The following KIRREL3 variants were observed in gnomAD, a reference collection of about 807,000 sequenced individuals.
KIRREL3 encodes the protein kirre like nephrin family adhesion molecule 3, also known as kin of IRRE-like protein 3.
A neutral mutation model predicts 89.7 loss-of-function variants in KIRREL3; 36 were observed. The ratio of observed to expected loss-of-function variants is 0.40; its 90% CI spans 0.31 to 0.53. The LOEUF (loss-of-function observed/expected upper bound fraction) is 0.53, where lower values mean the gene tolerates loss of function less well. KIRREL3 is among the 20% of genes least tolerant of loss of function. KIRREL3 has a pLI of 0.49. For missense variants in KIRREL3, 864 were observed against 1,056.6 expected (o/e 0.82, Z 2.53); for synonymous variants, 445 against 441.4 (o/e 1.01, Z -0.10).
intron 1 of KIRREL3, among the ~76,000 whole-genome samples, chr11:126,886,161 T>C (rs1565383943): frequency 1.3e-5 from 2 of 152,206 alleles, no homozygotes; most frequent in Admixed American, 1.3e-4. Flanking sequence ...TACTTACAGA[T>C]GGTGCTGCAA....
intron 1 of KIRREL3, among the ~76,000 whole-genome samples, chr11:126,869,500 T>A (rs1945036107): frequency 6.6e-6 from 1 of 152,338 alleles, no homozygotes; most frequent in South Asian, 2.1e-4. Context: ...TAGTCTTTAA[T>A]AATTGAAGAG....
At position 126,677,590 on chromosome 11, in the gene KIRREL3, C is replaced by T. The variant is rs1363539327; in HGVS notation, c.56-114678G>A. ...AAGCACGCTGAACAGGGAGGGGCAC[C>T]CAGCTCTGTCTGGCTGCATTCGCTG... On this transcript the variant is annotated intron_variant, in intron 1 of 16. Transcript: ENST00000525144. This position sits in a 1 kb window ranked among gnomAD's most constrained non-coding sequence, Gnocchi z 5.1. Among the ~76,000 whole-genome samples, 1 of 152,166 alleles carries T rather than the reference C, an allele frequency of 6.6e-6. No homozygotes were observed. The highest frequency in any genetic ancestry group is 1.5e-5 in the Non-Finnish European group (1 of 68,032).
chr11:126,577,116 A>G (rs1941294659), intron 1 of KIRREL3, among the ~76,000 whole-genome samples: 2 of 152,200 alleles, frequency 1.3e-5, no homozygotes, highest in African/African-American at 4.8e-5. Flanking sequence ...CTCTCTTTCA[A>G]TAAAGGGCTC....
At chr11:126,749,033 G>A (rs1459436991) in intron 1 of KIRREL3, among the ~76,000 whole-genome samples, 1 of 152,126 alleles carries the variant, frequency 6.6e-6, no homozygotes, top group African/African-American at 2.4e-5. Context: ...GCAGTCTCCA[G>A]GTGGCAGGGG....
Position 126,553,453 on chromosome 11 carries a change from T to C in KIRREL3, c.133+9382A>G, listed in dbSNP as rs1405443344. Among the ~76,000 whole-genome samples, 1 of 152,220 alleles carries C rather than the reference T, an allele frequency of 6.6e-6. No individual in the cohort carries two copies. The highest frequency in any genetic ancestry group is 1.5e-5 in the Non-Finnish European group (1 of 68,030). On this transcript the variant is annotated intron_variant, in intron 2 of 16. Transcript: ENST00000525144. The surrounding 1 kb of genome is among the most constrained non-coding windows in gnomAD (Gnocchi z 4.7). ...TAGCCACTGGCAGTCTCTGTCTCTCTTGCTGGCAGACAGAATAGCTCTTAC... is the reference window on the plus strand; with the variant it reads ...TAGCCACTGGCAGTCTCTGTCTCTCCTGCTGGCAGACAGAATAGCTCTTAC...
At chr11:126,433,075 C>T (rs1254134661) in intron 13 of KIRREL3, among the ~76,000 whole-genome samples, 1 of 152,162 alleles carries the variant, frequency 6.6e-6, no homozygotes, top group African/African-American at 2.4e-5. Flanking sequence ...GATAGGGTTT[C>T]ACCATGTTGG....
Position 126,563,999 on chromosome 11 carries a change from T to C in KIRREL3, c.56-1087A>G, listed in dbSNP as rs905457293. ...TGTCTTAGACCCCCACCCCACCTTGTAGCATAGAAGTCTTACAAATGTGTC... is the reference window on the plus strand; with the variant it reads ...TGTCTTAGACCCCCACCCCACCTTGCAGCATAGAAGTCTTACAAATGTGTC... On this transcript the variant is annotated intron_variant, in intron 1 of 16. Transcript: ENST00000525144. This position sits in a 1 kb window ranked among gnomAD's most constrained non-coding sequence, Gnocchi z 6.8. Among the ~76,000 whole-genome samples the C allele has an allele frequency of 6.6e-6, 1 of 152,208 alleles. No individual in the cohort carries two copies. The highest frequency in any genetic ancestry group is 1.5e-5 in the Non-Finnish European group (1 of 68,028).
Position 126,544,161 on chromosome 11 carries a change from C to A in KIRREL3, c.134-17474G>T, listed in dbSNP as rs557055230. On this transcript the variant is annotated intron_variant, in intron 2 of 16. Transcript: ENST00000525144. This position sits in a 1 kb window ranked among gnomAD's most constrained non-coding sequence, Gnocchi z 5.6. ...AGAGAAGAGAGCAGCTTTCAACCCC[C>A]CTCTCCTAAACGCAACGATATTTGG... 7 of 152,344 alleles carry A rather than the reference C, an allele frequency of 4.6e-5. No homozygotes were observed. The East Asian group carries it at 1.4e-3, about 29-fold the overall frequency. The allele number at this position is 152,344 out of a possible 1,614,324, so 9.4% of individuals were successfully genotyped here.
intron 1 of KIRREL3, among the ~76,000 whole-genome samples, chr11:126,810,862 C>T (rs1951360878): frequency 6.6e-6 from 1 of 152,178 alleles, no homozygotes; most frequent in South Asian, 2.1e-4. Flanking sequence ...CTGACTGAAA[C>T]CCTGAGAATA....
At chr11:126,799,658 C>T (rs1226424152) in intron 1 of KIRREL3, among the ~76,000 whole-genome samples, 2 of 152,128 alleles carry the variant, frequency 1.3e-5, no homozygotes, top group East Asian at 3.9e-4. Flanking sequence ...AGCAGGGAGC[C>T]AGGAGGAAGG....
At chr11:126,507,686 G>A (rs1485089848) in intron 4 of KIRREL3, among the ~76,000 whole-genome samples, 1 of 152,190 alleles carries the variant, frequency 6.6e-6, no homozygotes, top group East Asian at 1.9e-4. Context: ...GAAGAATTCT[G>A]GATTAAAGGG....
In KIRREL3 at chr11:126,742,773, G is replaced by T. The variant is rs949181629; in HGVS notation, c.56-179861C>A. On this transcript the variant is annotated intron_variant, in intron 1 of 16. Transcript: ENST00000525144. The surrounding 1 kb of genome is among the most constrained non-coding windows in gnomAD (Gnocchi z 5.3). The stretch of plus-strand genomic sequence containing the variant: ...CAAACACAGCTTCAGGGTGAGGTTA[G>T]GCAGCTAGAACGTTATTGATCAACA... Among the ~76,000 whole-genome samples the T allele has an allele frequency of 6.6e-6, 1 of 152,258 alleles. No homozygotes were observed. Among genetic ancestry groups the T allele is most frequent in the African/African-American group, 2.4e-5 (1 of 41,472 alleles).
chr11:126,508,606 T>C lies in KIRREL3; in HGVS notation c.433+12709A>G, dbSNP rs1958102312. 6.6e-6 allele frequency among the ~76,000 whole-genome samples: 1 copy of C among 151,988 alleles called. No individual in the cohort carries two copies. The highest frequency in any genetic ancestry group is 6.6e-5 in the Admixed American group (1 of 15,266). On this transcript the variant is annotated intron_variant, in intron 4 of 16. Transcript: ENST00000525144. The surrounding 1 kb of genome is among the most constrained non-coding windows in gnomAD (Gnocchi z 4.9). ...GAAGAAACCTGTTTCATAGTGATGA[T>C]TTTAGGGGGAGTCAGGCAGCAGAGA...
chr11:126,975,070 G>A (rs683879), intron 1 of KIRREL3, among the ~76,000 whole-genome samples: 139,262 of 152,194 alleles, frequency 0.92, 63,883 homozygotes, highest in African/African-American at 0.97. Flanking sequence ...CTCTGTCTCC[G>A]AAGTGCTGGG....
Position 126,912,607 on chromosome 11 carries a change from G to A in KIRREL3, c.55+87848C>T, listed in dbSNP as rs1349534955. On this transcript the variant is annotated intron_variant, in intron 1 of 16. Transcript: ENST00000525144. The surrounding 1 kb of genome is among the most constrained non-coding windows in gnomAD (Gnocchi z 4.7). ...TCTGGAATACGATCCTGATGAACAGGAGAAGGGAGAAGAACTTCACCTTCC... is the reference window on the plus strand; with the variant it reads ...TCTGGAATACGATCCTGATGAACAGAAGAAGGGAGAAGAACTTCACCTTCC... 2.6e-5 allele frequency among the ~76,000 whole-genome samples: 4 copies of A among 152,178 alleles called. No individual in the cohort carries two copies. The highest frequency in any genetic ancestry group is 2.0e-4 in the Admixed American group (3 of 15,276).
intron 1 of KIRREL3, among the ~76,000 whole-genome samples, chr11:126,650,727 C>T (rs753680775): frequency 2.0e-5 from 3 of 152,154 alleles, no homozygotes; most frequent in Non-Finnish European, 4.4e-5. Flanking sequence ...TCTTCTGGGC[C>T]CTCTAACCTC....
intron 1 of KIRREL3, among the ~76,000 whole-genome samples, chr11:126,845,430 C>T (rs540775198): frequency 9.2e-5 from 14 of 152,064 alleles, no homozygotes; most frequent in African/African-American, 3.4e-4. Flanking sequence ...AAAAAGAATT[C>T]GTGAGGCTAA....
rs1165246300 is a variant in KIRREL3, at chr11:126,908,254, G to A, written c.55+92201C>T. 1.3e-5 allele frequency among the ~76,000 whole-genome samples: 2 copies of A among 152,088 alleles called. No individual in the cohort carries two copies. Among genetic ancestry groups the A allele is most frequent in the African/African-American group, 4.8e-5 (2 of 41,388 alleles). ...ATAAATCTAGGTGGATATTCCAATCGGTTGCTTTGACATTCATGGATGCCA... is the reference window on the plus strand; with the variant it reads ...ATAAATCTAGGTGGATATTCCAATCAGTTGCTTTGACATTCATGGATGCCA... On this transcript the variant is annotated intron_variant, in intron 1 of 16. Coordinates refer to ENST00000525144, the MANE Select transcript of KIRREL3 (RefSeq NM_032531.4). The surrounding 1 kb of genome is among the most constrained non-coding windows in gnomAD (Gnocchi z 4.2).
rs543844512 is a variant in KIRREL3, at chr11:126,991,242, T to C, written c.55+9213A>G. On this transcript the variant is annotated intron_variant, in intron 1 of 16. Coordinates refer to ENST00000525144, the MANE Select transcript of KIRREL3 (RefSeq NM_032531.4). The surrounding 1 kb of genome is among the most constrained non-coding windows in gnomAD (Gnocchi z 5.8). ...CACGTCCACACTTCACTTAGTCAGG[T>C]TCTTCTTCTGCCTCCTGCCAGGGGC... 2.6e-5 allele frequency among the ~76,000 whole-genome samples: 4 copies of C among 152,082 alleles called. No homozygotes were observed. The highest frequency in any genetic ancestry group is 4.4e-5 in the Non-Finnish European group (3 of 68,008).
Sources: allele counts gnomAD v4.1 joint callset (sites outside exome capture counted in the v4.1 genomes callset), GRCh38; gene constraint gnomAD v4.1.1; non-coding constraint Gnocchi (gnomAD v3.1); transcripts MANE v1.5; gene names NCBI Gene and HGNC (gene_info 2026-07-23, HGNC 2026-07-21).